Variants in KCNH7 observed in about 807,000 individuals in gnomAD.
KCNH7 encodes the protein voltage-gated inwardly rectifying potassium channel KCNH7.
KCNH7 carries 49 observed loss-of-function variants against 120.8 expected under a neutral mutation model. The observed-to-expected ratio is 0.41, with a 90% CI of 0.32 to 0.51. The LOEUF is 0.51. Among genes scored for constraint, KCNH7 ranks in the 20% least tolerant of loss-of-function variants. The pLI is 0.38. For synonymous variants in KCNH7, 547 were observed against 516.1 expected (o/e 1.06, Z -0.81); for missense variants, 1,097 against 1,446.6 (o/e 0.76, Z 3.92).
At chr2:162,596,006 A>G (rs776365418) in intron 2 of KCNH7, among the ~76,000 whole-genome samples, 1 of 152,098 alleles carries the variant, frequency 6.6e-6, no homozygotes, top group Non-Finnish European at 1.5e-5. Context: ...TAACCAGGTT[A>G]AATATCTGTA....
intron 2 of KCNH7, among the ~76,000 whole-genome samples, chr2:162,773,896 A>G (rs1245260722): frequency 1.3e-5 from 2 of 152,216 alleles, no homozygotes; most frequent in Non-Finnish European, 2.9e-5. Flanking sequence ...TACAAACACA[A>G]AAAATATTTT....
intron 6 of KCNH7, among the ~76,000 whole-genome samples, chr2:162,496,644 C>T (rs1271519042): frequency 6.6e-6 from 1 of 152,080 alleles, no homozygotes; most frequent in Non-Finnish European, 1.5e-5. Context: ...GAACCCAGAC[C>T]TAGCTGAGCT....
chr2:162,603,920 A>G (rs1004491199), intron 2 of KCNH7, among the ~76,000 whole-genome samples: 3 of 152,124 alleles, frequency 2.0e-5, no homozygotes, highest in African/African-American at 2.4e-5. Context: ...TAGATGGTAG[A>G]CAAATACCTA....
In KCNH7 at chr2:162,654,594, T is replaced by C. The variant is rs1444687764; in HGVS notation, c.308-117514A>G. Reference sequence around the variant, plus strand: ...ATTATAAAAAATGGTATGGAAGTTCTTCAAACAACTAAAAGTAGAATGACC... The same window carrying C: ...ATTATAAAAAATGGTATGGAAGTTCCTCAAACAACTAAAAGTAGAATGACC... On this transcript the variant is annotated intron_variant, in intron 2 of 15. Transcript: ENST00000332142. Among the ~76,000 whole-genome samples the C allele has an allele frequency of 2.0e-5, 3 of 152,112 alleles. No homozygotes were observed. In the East Asian group the frequency reaches 5.8e-4, roughly 29 times the overall value.
chr2:162,497,356 A>ACC (rs1558978082), intron 6 of KCNH7, among the ~76,000 whole-genome samples: 1 of 152,022 alleles, frequency 6.6e-6, no homozygotes. Context: ...ACCAACAAAA[A>ACC]CCCCCATCCC....
intron 2 of KCNH7, among the ~76,000 whole-genome samples, chr2:162,574,864 A>T (rs2105905541): frequency 6.6e-6 from 1 of 152,234 alleles, no homozygotes; most frequent in African/African-American, 2.4e-5. Flanking sequence ...AGGTTGTGTA[A>T]CAAAAGTCAA....
At chr2:162,480,836 G>A (rs1464129181) in intron 6 of KCNH7, among the ~76,000 whole-genome samples, 1 of 152,088 alleles carries the variant, frequency 6.6e-6, no homozygotes, top group East Asian at 1.9e-4. Context: ...GAAGTGAGGG[G>A]GTTAAGGAAA....
intron 2 of KCNH7, among the ~76,000 whole-genome samples, chr2:162,714,609 G>A (rs932758798): frequency 9.2e-5 from 14 of 152,200 alleles, no homozygotes; most frequent in African/African-American, 3.4e-4. Context: ...CAGGGGGTTG[G>A]CAAACTTTCT....
chr2:162,615,562 A>C (rs1683116218), intron 2 of KCNH7, among the ~76,000 whole-genome samples: 1 of 152,194 alleles, frequency 6.6e-6, no homozygotes. Flanking sequence ...GTAGAAATGC[A>C]AGTCATACAC....
At chr2:162,455,286 G>A (rs557184554) in intron 6 of KCNH7, among the ~76,000 whole-genome samples, 9 of 152,028 alleles carry the variant, frequency 5.9e-5, no homozygotes, top group Non-Finnish European at 1.2e-4. Context: ...GGATGAAGCC[G>A]ACTTGATCAT....
intron 2 of KCNH7, among the ~76,000 whole-genome samples, chr2:162,632,454 A>G (rs1182110155): frequency 6.6e-6 from 1 of 151,958 alleles, no homozygotes; most frequent in East Asian, 1.9e-4. Context: ...AATAATCTAT[A>G]AACTGAAAAT....
chr2:162,746,217 G>GATTACAAATTTTA (rs1688311180), intron 2 of KCNH7, among the ~76,000 whole-genome samples: 2 of 151,938 alleles, frequency 1.3e-5, no homozygotes, highest in African/African-American at 4.8e-5. Context: ...GTGGAAAATG[G>GATTACAAATTTTA]GTTTAATAAT....
chr2:162,802,648 A>G (rs1357570252), intron 2 of KCNH7, among the ~76,000 whole-genome samples: 1 of 151,740 alleles, frequency 6.6e-6, no homozygotes, highest in Non-Finnish European at 1.5e-5. Context: ...AATTATGACA[A>G]TATATTTTAT....
intron 2 of KCNH7, among the ~76,000 whole-genome samples, chr2:162,685,716 A>G (rs1271978845): frequency 1.4e-5 from 2 of 145,148 alleles, no homozygotes; most frequent in African/African-American, 5.3e-5. Flanking sequence ...GATGTATTAG[A>G]AAAAAAAAAA....
chr2:162,389,000 T>C (rs1031711413), intron 12 of KCNH7, among the ~76,000 whole-genome samples: 4 of 151,970 alleles, frequency 2.6e-5, no homozygotes, highest in Admixed American at 1.3e-4. Flanking sequence ...GTGTATCTCT[T>C]GAAAAGGGTT....
intron 2 of KCNH7, among the ~76,000 whole-genome samples, chr2:162,582,400 C>T (rs1011379201): frequency 3.9e-5 from 6 of 152,050 alleles, no homozygotes; most frequent in Admixed American, 6.6e-5. Flanking sequence ...GGAGTAGCAG[C>T]GATAAAACAC....
At chr2:162,418,125 A>G (rs1478230665) in intron 9 of KCNH7, among the ~76,000 whole-genome samples, 1 of 152,150 alleles carries the variant, frequency 6.6e-6, no homozygotes, top group Non-Finnish European at 1.5e-5. Flanking sequence ...CATGCAGATG[A>G]CAACATCTTT....
At chr2:162,712,304 G>C (rs1276390722) in intron 2 of KCNH7, among the ~76,000 whole-genome samples, 1 of 151,966 alleles carries the variant, frequency 6.6e-6, no homozygotes, top group African/African-American at 2.4e-5. Context: ...ACACCTGTTG[G>C]TTCTCTTTGT....
chr2:162,718,479 A>G (rs1267522681), intron 2 of KCNH7, among the ~76,000 whole-genome samples: 1 of 152,070 alleles, frequency 6.6e-6, no homozygotes, highest in Non-Finnish European at 1.5e-5. Context: ...GCCTGAAATC[A>G]TTTAAAGCCC....
Sources: gnomAD v4.1 joint callset for allele counts (sites outside exome capture counted in the v4.1 genomes callset) on GRCh38, gnomAD v4.1.1 for gene constraint, MANE v1.5 for transcripts, NCBI Gene and HGNC (gene_info 2026-07-23, HGNC 2026-07-21) for gene names.